The following ANK2 variants were observed in gnomAD, a reference collection of about 807,000 sequenced individuals.
ANK2 encodes ankyrin-2.
Under a neutral mutation model 360.5 loss-of-function variants are expected in ANK2, and 83 were observed. The observed-to-expected ratio is 0.23, with a 90% confidence interval of 0.19 to 0.28. The LOEUF is 0.28. Ranked by LOEUF, ANK2 falls within the 10% of genes least tolerant of loss-of-function variation. The pLI is 1.00. For missense variants in ANK2, 4,201 were observed against 4,795.7 expected, an observed-to-expected ratio of 0.88 and a Z score of 3.66; for synonymous variants, 1,740 against 1,759.5, an observed-to-expected ratio of 0.99 and a Z score of 0.28.
intron 13 of ANK2, among the ~76,000 whole-genome samples, chr4:113,259,760 A>G (rs2051541564): frequency 6.6e-6 from 1 of 151,702 alleles, no homozygotes; most frequent in Non-Finnish European, 1.5e-5. Context: ...AGAACTTTAA[A>G]AGTAATCATC....
intron 26 of ANK2, among the ~76,000 whole-genome samples, chr4:113,329,251 C>A (rs1231292451): frequency 6.6e-6 from 1 of 152,144 alleles, no homozygotes; most frequent in East Asian, 1.9e-4. Flanking sequence ...AAATGACAAG[C>A]ATTCAAATTA....
At chr4:112,918,746 C>G (rs1368065038) in intron 2 of ANK2, among the ~76,000 whole-genome samples, 4 of 152,076 alleles carry the variant, frequency 2.6e-5, no homozygotes, top group African/African-American at 9.7e-5. Context: ...TTTTTTGTAT[C>G]CTTTAATTTT....
chr4:113,164,347 T>G (rs1302543235), intron 1 of ANK2, among the ~76,000 whole-genome samples: 1 of 152,220 alleles, frequency 6.6e-6, no homozygotes, highest in Non-Finnish European at 1.5e-5. Context: ...TGTGAGAAAA[T>G]GTACCATGAT....
At position 113,233,110 on chromosome 4, in the gene ANK2, T is replaced by G. The variant is rs1487374442; in HGVS notation, c.483+851T>G. On this transcript the variant is annotated intron_variant, in intron 5 of 45. Transcript: ENST00000357077. ...GTATATGGGCTTGGCTTTTCTGTTT[T>G]TTTTTTTTTTTTTTTTTTTTTTTTT... Among the ~76,000 whole-genome samples, 3 of 4,374 alleles carry G rather than the reference T, an allele frequency of 6.9e-4. No individual in the cohort carries two copies. In the East Asian group the frequency reaches 0.022, roughly 32 times the overall value. The allele number at this position is 4,374 out of a possible 152,430, so 2.9% of individuals were successfully genotyped here.
At chr4:112,741,303 A>G in the ANK2 span, among the ~76,000 whole-genome samples, 3 of 152,150 alleles carry the variant, frequency 2.0e-5, no homozygotes, top group East Asian at 1.9e-4. Context: ...TGAGCTGACT[A>G]TTTCCACTAG....
chr4:113,320,344 C>T (rs180958097), intron 26 of ANK2, among the ~76,000 whole-genome samples: 17 of 152,210 alleles, frequency 1.1e-4, no homozygotes, highest in African/African-American at 3.9e-4. Context: ...ATTAGAATCA[C>T]CTAGGAGCTT....
At chr4:113,107,900 C>G (rs1020312612) in intron 1 of ANK2, among the ~76,000 whole-genome samples, 4 of 152,036 alleles carry the variant, frequency 2.6e-5, no homozygotes, top group African/African-American at 9.7e-5. Flanking sequence ...AATTTGATGC[C>G]CTCTACCACA....
At chr4:113,006,234 G>A (rs79688381) in intron 2 of ANK2, among the ~76,000 whole-genome samples, 2 of 152,158 alleles carry the variant, frequency 1.3e-5, no homozygotes, top group East Asian at 3.9e-4. Flanking sequence ...ACCTGACTTG[G>A]TCATTACACA....
intron 11 of ANK2, 91 bp from the exon 12 acceptor site, chr4:113,257,959 A>G (rs2050416132): frequency 8.6e-7 from 1 of 1,167,894 alleles, no homozygotes; most frequent in Non-Finnish European, 1.3e-6. Flanking sequence ...TTATGTGACG[A>G]TGTAACATTA....
At chr4:113,177,062 G>A (rs184368950) in intron 2 of ANK2, among the ~76,000 whole-genome samples, 289 of 152,224 alleles carry the variant, frequency 1.9e-3, no homozygotes, top group Non-Finnish European at 3.0e-3. Flanking sequence ...CCAAGTCTTT[G>A]CTATTGTGAA....
Position 113,364,484 on chromosome 4 carries a change from T to C in ANK2, c.10889-555T>C, listed in dbSNP as rs2096420186. ...ACAGCCCTCACTTCTAACAGTAATGTTACTCAAACCCTAATATTTTTAAAA... is the reference window on the plus strand; with the variant it reads ...ACAGCCCTCACTTCTAACAGTAATGCTACTCAAACCCTAATATTTTTAAAA... On this transcript the variant is annotated intron_variant, in intron 40 of 45. Coordinates refer to ENST00000357077, the MANE Select transcript of ANK2 (RefSeq NM_001148.6). Among the ~76,000 whole-genome samples the C allele has an allele frequency of 3.3e-5, 5 of 152,242 alleles. No individual in the cohort carries two copies. The South Asian group carries it at 1.0e-3, about 31-fold the overall frequency.
chr4:112,732,079 G>A, the ANK2 span, among the ~76,000 whole-genome samples: 1 of 152,118 alleles, frequency 6.6e-6, no homozygotes, highest in African/African-American at 2.4e-5. Context: ...AAATCAGGTA[G>A]GAAATTGGTA....
intron 1 of ANK2, among the ~76,000 whole-genome samples, chr4:113,164,128 G>A (rs181903155): frequency 3.9e-5 from 6 of 152,190 alleles, no homozygotes; most frequent in African/African-American, 9.6e-5. Flanking sequence ...GGCTGGGTGC[G>A]GTGGCTCACA....
intron 2 of ANK2, among the ~76,000 whole-genome samples, chr4:113,036,322 G>A (rs1471173029): frequency 6.6e-6 from 1 of 150,834 alleles, no homozygotes; most frequent in Non-Finnish European, 1.5e-5. Context: ...CAAACAAAAA[G>A]AAAATTATCT....
At chr4:113,314,054 G>GA (rs1399601752) in intron 24 of ANK2, among the ~76,000 whole-genome samples, 1 of 152,036 alleles carries the variant, frequency 6.6e-6, no homozygotes, top group East Asian at 1.9e-4. Context: ...GGAGAAGATA[G>GA]AAAAAATATT....
chr4:113,357,831 A>G lies in ANK2; in HGVS notation c.9213A>G (p.Val3071=), dbSNP rs780233182. 1.1e-5 allele frequency: 17 copies of G among 1,613,830 alleles called. No individual in the cohort carries two copies. Among genetic ancestry groups the G allele is most frequent in the Non-Finnish European group, 1.4e-5 (16 of 1,179,908 alleles). The part of the protein sequence containing the change: ...EEEQKIFGLM[V]DRQSQGTTPD... ...AACAAAAGATATTTGGTTTGATGGT[A>G]GACAGACAATCACAGGGTACCACCC... Residue 3071 remains valine, a synonymous_variant, in exon 38 of 46, where the codon GTA becomes GTG. Coordinates refer to ENST00000357077, the MANE Select transcript of ANK2 (RefSeq NM_001148.6).
chr4:112,741,242 C>T, the ANK2 span, among the ~76,000 whole-genome samples: 5 of 152,162 alleles, frequency 3.3e-5, no homozygotes, highest in African/African-American at 4.8e-5. Flanking sequence ...CTTCTTCTCC[C>T]AGGCAGAAAT....
At chr4:113,135,758 G>A (rs962341654) in intron 1 of ANK2, among the ~76,000 whole-genome samples, 2 of 152,022 alleles carry the variant, frequency 1.3e-5, no homozygotes, top group East Asian at 3.9e-4. Flanking sequence ...TGGCATTTTT[G>A]TTCTTTTCAT....
At chr4:112,776,917 C>T in the ANK2 span, among the ~76,000 whole-genome samples, 2 of 152,154 alleles carry the variant, frequency 1.3e-5, no homozygotes, top group Admixed American at 1.3e-4. Flanking sequence ...ACACAACCCT[C>T]TCTATTAACT....
Sources: gnomAD v4.1 joint callset for allele counts (sites outside exome capture counted in the v4.1 genomes callset) on GRCh38, gnomAD v4.1.1 for gene constraint, MANE v1.5 for transcripts, NCBI Gene and HGNC (gene_info 2026-07-23, HGNC 2026-07-21) for gene names.